IL1RAPL2: variants seen among roughly 807,000 people sequenced by gnomAD.
IL1RAPL2 encodes X-linked interleukin-1 receptor accessory protein-like 2.
A neutral mutation model predicts 44.1 loss-of-function variants in IL1RAPL2; 3 were observed. The observed-to-expected ratio is 0.07, with a 90% CI of 0.03 to 0.18. IL1RAPL2 has a LOEUF of 0.18. IL1RAPL2 is among the 10% of genes least tolerant of loss of function. The probability of loss-of-function intolerance (pLI) is 1.00; values close to 1 mark genes in which losing one functional copy is unlikely to be tolerated. For missense variants in IL1RAPL2, 391 were observed against 496.4 expected (o/e 0.79, Z 2.02); for synonymous variants, 181 against 178.8 (o/e 1.01, Z -0.10).
At chrX:105,562,512 AACACACACAC>A (rs55720100) in intron 6 of IL1RAPL2, among the ~76,000 whole-genome samples, 5 of 91,596 alleles carry the variant, frequency 5.5e-5, no homozygotes, top group South Asian at 5.8e-4. Flanking sequence ...ATTGAAAATA[AACACACACAC>A]ACACACACAC....
At chrX:105,698,136 C>G (rs1345446838) in intron 6 of IL1RAPL2, among the ~76,000 whole-genome samples, 1 of 111,317 alleles carries the variant, frequency 9.0e-6, no homozygotes, top group African/African-American at 3.3e-5. Flanking sequence ...TATTTAAGAT[C>G]TTTTACATTA....
At chrX:105,351,630 G>A (rs183357735) in intron 5 of IL1RAPL2, among the ~76,000 whole-genome samples, 1,265 of 110,256 alleles carry the variant, frequency 0.011, 10 homozygotes, top group Non-Finnish European at 0.016. Context: ...GGGCCTGTCA[G>A]TGGGTGGGGG....
At chrX:105,186,304 G>A (rs2033586448) in intron 2 of IL1RAPL2, among the ~76,000 whole-genome samples, 1 of 111,506 alleles carries the variant, frequency 9.0e-6, no homozygotes, top group African/African-American at 3.3e-5. Flanking sequence ...ATGAGTCTCT[G>A]ACCTTGACTA....
At chrX:104,605,241 G>A (rs891855760) in intron 1 of IL1RAPL2, among the ~76,000 whole-genome samples, 4 of 111,326 alleles carry the variant, frequency 3.6e-5, no homozygotes, top group Non-Finnish European at 7.5e-5. Flanking sequence ...TGAAATGAAG[G>A]GAGAAATAAA....
intron 2 of IL1RAPL2, among the ~76,000 whole-genome samples, chrX:104,872,000 G>T (rs1382895351): frequency 8.9e-6 from 1 of 111,834 alleles, no homozygotes; most frequent in African/African-American, 3.3e-5. Flanking sequence ...AATTGTATCT[G>T]TTGTTGAGAA....
At chrX:105,365,475 G>A (rs2147714431) in intron 5 of IL1RAPL2, among the ~76,000 whole-genome samples, 1 of 111,164 alleles carries the variant, frequency 9.0e-6, no homozygotes, top group South Asian at 3.8e-4. Flanking sequence ...AGAAAGATTG[G>A]TATTAGTTAT....
At chrX:105,338,216 G>A (rs1428639725) in intron 5 of IL1RAPL2, among the ~76,000 whole-genome samples, 2 of 111,746 alleles carry the variant, frequency 1.8e-5, no homozygotes, top group Non-Finnish European at 3.8e-5. Context: ...CTCTCCTACA[G>A]TACAGTGATA....
At chrX:104,637,103 A>C (rs770614939) in intron 1 of IL1RAPL2, among the ~76,000 whole-genome samples, 4 of 108,977 alleles carry the variant, frequency 3.7e-5, no homozygotes, top group African/African-American at 1.3e-4. Context: ...AAGTGGAACT[A>C]ACATTTTTGT....
intron 2 of IL1RAPL2, among the ~76,000 whole-genome samples, chrX:104,898,745 C>G (rs1424038322): frequency 2.7e-5 from 3 of 112,413 alleles, no homozygotes; most frequent in East Asian, 5.6e-4. Context: ...GTTTTAATCT[C>G]TGAGCTGAAC....
rs144442964 is a variant in IL1RAPL2, at chrX:105,654,242, T to C, written c.773-63125T>C. Among the ~76,000 whole-genome samples the C allele has an allele frequency of 5.5e-3, 609 of 110,077 alleles. 2 individuals carry two copies. Among genetic ancestry groups the C allele is most frequent in the Non-Finnish European group, 9.3e-3 (492 of 53,042 alleles). Reference sequence around the variant, plus strand: ...TATTGTAAACTCCTGTCAATATTTCTGGAGGCCAGCAGAAGATAGAAATTA... The same window carrying C: ...TATTGTAAACTCCTGTCAATATTTCCGGAGGCCAGCAGAAGATAGAAATTA... On this transcript the variant is annotated intron_variant, in intron 6 of 10. Transcript: ENST00000372582.
intron 2 of IL1RAPL2, among the ~76,000 whole-genome samples, chrX:104,725,045 C>A (rs1421740342): frequency 9.0e-6 from 1 of 111,062 alleles, no homozygotes; most frequent in Non-Finnish European, 1.9e-5. Context: ...AGCTCCCCAA[C>A]CCCGACAGGC....
chrX:104,772,782 T>A (rs893881624), intron 2 of IL1RAPL2, among the ~76,000 whole-genome samples: 2 of 112,505 alleles, frequency 1.8e-5, no homozygotes, highest in African/African-American at 6.5e-5. Flanking sequence ...CCACTTGTGT[T>A]ATTGGGTAAG....
At chrX:104,657,805 AG>A (rs1930299848) in intron 1 of IL1RAPL2, among the ~76,000 whole-genome samples, 1 of 112,332 alleles carries the variant, frequency 8.9e-6, no homozygotes, top group Non-Finnish European at 1.9e-5. Context: ...AAGTGGACAA[AG>A]GATATGAACA....
At chrX:104,656,342 T>G (rs987573261) in intron 1 of IL1RAPL2, among the ~76,000 whole-genome samples, 1 of 112,115 alleles carries the variant, frequency 8.9e-6, no homozygotes, top group African/African-American at 3.2e-5. Context: ...ACACACTGCT[T>G]TAAATGTGTC....
At chrX:105,362,398 A>G (rs180742714) in intron 5 of IL1RAPL2, among the ~76,000 whole-genome samples, 9 of 111,552 alleles carry the variant, frequency 8.1e-5, no homozygotes, top group Admixed American at 7.7e-4. Context: ...AATTCTCTCA[A>G]ATAAGGTAGA....
At chrX:105,082,629 C>T (rs2032427529) in intron 2 of IL1RAPL2, among the ~76,000 whole-genome samples, 1 of 111,795 alleles carries the variant, frequency 8.9e-6, no homozygotes, top group Non-Finnish European at 1.9e-5. Context: ...TGCTGTTCTG[C>T]AGCCTCCTCT....
chrX:105,583,908 T>C (rs757744805), intron 6 of IL1RAPL2, among the ~76,000 whole-genome samples: 2 of 112,092 alleles, frequency 1.8e-5, no homozygotes, highest in African/African-American at 3.2e-5. Context: ...TTTTGCTGTA[T>C]CATACAAACC....
At chrX:104,684,177 T>C (rs1321548442) in intron 2 of IL1RAPL2, among the ~76,000 whole-genome samples, 1 of 112,060 alleles carries the variant, frequency 8.9e-6, no homozygotes, top group Non-Finnish European at 1.9e-5. Flanking sequence ...AGTTTTATTT[T>C]CAGGTATCCA....
intron 2 of IL1RAPL2, among the ~76,000 whole-genome samples, chrX:104,849,992 A>G (rs763187322): frequency 1.8e-5 from 2 of 111,559 alleles, no homozygotes; most frequent in African/African-American, 3.2e-5. Context: ...TATACACAAA[A>G]GATCCTATAG....
Sources: allele counts gnomAD v4.1 joint callset (sites outside exome capture counted in the v4.1 genomes callset), GRCh38; gene constraint gnomAD v4.1.1; transcripts MANE v1.5; gene names NCBI Gene and HGNC (gene_info 2026-07-23, HGNC 2026-07-21).